LRP1B: variants seen among roughly 807,000 people sequenced by gnomAD.
LRP1B encodes the protein low-density lipoprotein receptor-related protein 1B.
A neutral mutation model predicts 556.6 loss-of-function variants in LRP1B; 217 were observed. The ratio of observed to expected loss-of-function variants is 0.39; its 90% CI spans 0.35 to 0.44. LRP1B has a LOEUF of 0.44. LRP1B is among the 20% of genes least tolerant of loss of function. The pLI is 1.00. For synonymous variants in LRP1B, 2,047 were observed against 1,865.8 expected, an observed-to-expected ratio of 1.10 and a Z score of -2.50; for missense variants, 5,053 against 5,620.8, an observed-to-expected ratio of 0.90 and a Z score of 3.23.
At chr2:142,129,067 A>G (rs1461710972) in intron 1 of LRP1B, among the ~76,000 whole-genome samples, 2 of 152,216 alleles carry the variant, frequency 1.3e-5, no homozygotes, top group Non-Finnish European at 2.9e-5. Context: ...CAGTACCATT[A>G]TATTTTGCTA....
rs1683990746 is a variant in LRP1B, at chr2:140,634,110, T to C, written c.6800-32471A>G. On this transcript the variant is annotated intron_variant, in intron 41 of 90. Coordinates refer to ENST00000389484, the MANE Select transcript of LRP1B (RefSeq NM_018557.3). ...AAAAGAATTACACACCAAAACCGAG[T>C]AGGATTTATTCCAGGAATATAAGAC... Among the ~76,000 whole-genome samples the C allele has an allele frequency of 3.3e-5, 5 of 152,010 alleles. No homozygotes were observed. The South Asian group carries it at 1.0e-3, about 32-fold the overall frequency.
intron 6 of LRP1B, among the ~76,000 whole-genome samples, chr2:141,210,118 T>A (rs1682477760): frequency 6.6e-6 from 1 of 151,782 alleles, no homozygotes; most frequent in South Asian, 2.1e-4. Flanking sequence ...AAATGCGGCG[T>A]GCATTTTATG....
intron 2 of LRP1B, among the ~76,000 whole-genome samples, chr2:141,778,063 G>A (rs182680130): frequency 1.6e-3 from 238 of 152,260 alleles, no homozygotes; most frequent in Non-Finnish European, 1.0e-3. Flanking sequence ...GTCAGAAGAA[G>A]TGAGATCATT....
chr2:141,377,754 C>T (rs958584690), intron 3 of LRP1B, among the ~76,000 whole-genome samples: 6 of 151,818 alleles, frequency 4.0e-5, no homozygotes, highest in Admixed American at 1.3e-4. Context: ...ATTAATTTCA[C>T]AAAATACCAC....
chr2:140,534,169 C>G (rs1227678836), intron 46 of LRP1B, 29 bp from the exon 47 acceptor site: 1 of 1,587,910 alleles, frequency 6.3e-7, no homozygotes, highest in Non-Finnish European at 8.6e-7. Context: ...AACACACAAC[C>G]AGAGATCATA....
At chr2:141,228,193 C>T (rs1274738813) in intron 6 of LRP1B, among the ~76,000 whole-genome samples, 1 of 152,134 alleles carries the variant, frequency 6.6e-6, no homozygotes, top group Non-Finnish European at 1.5e-5. Flanking sequence ...CTGGGAGCCA[C>T]CGCACCCGGC....
chr2:140,837,271 G>A (rs938259997), intron 31 of LRP1B, among the ~76,000 whole-genome samples: 5 of 152,130 alleles, frequency 3.3e-5, no homozygotes, highest in Admixed American at 2.0e-4. Flanking sequence ...TTGCTCAAGG[G>A]CACTGAGTTA....
chr2:140,986,882 G>T (rs1438388564), intron 17 of LRP1B, among the ~76,000 whole-genome samples: 1 of 152,140 alleles, frequency 6.6e-6, no homozygotes, highest in Non-Finnish European at 1.5e-5. Context: ...GTGGACAAGG[G>T]TTTTCTTTTA....
chr2:140,279,098 T>C (rs1189160081), intron 84 of LRP1B, among the ~76,000 whole-genome samples: 1 of 151,958 alleles, frequency 6.6e-6, no homozygotes, highest in East Asian at 1.9e-4. Context: ...ACTCTCTCTC[T>C]TTCTCTCTTT....
At position 142,017,867 on chromosome 2, in the gene LRP1B, C is replaced by T. The variant is rs370599403; in HGVS notation, c.82+112781G>A. Among the ~76,000 whole-genome samples, 299 of 152,020 alleles carry T rather than the reference C, an allele frequency of 2.0e-3. 1 individual carries two copies. Among genetic ancestry groups the T allele is most frequent in the African/African-American group, 6.9e-3 (285 of 41,496 alleles). On this transcript the variant is annotated intron_variant, in intron 1 of 90. Coordinates refer to ENST00000389484, the MANE Select transcript of LRP1B (RefSeq NM_018557.3). The stretch of plus-strand genomic sequence containing the variant: ...CTGCACTCCAGCCTGGGCAACAGAG[C>T]GAGACCTTGTCTCAAAAAAGTTTTT...
At chr2:141,093,942 C>T (rs557095752) in intron 7 of LRP1B, among the ~76,000 whole-genome samples, 163 of 152,210 alleles carry the variant, frequency 1.1e-3, no homozygotes, top group African/African-American at 3.6e-3. Context: ...GTTTCCAATG[C>T]CTGACCTCAA....
At chr2:141,188,852 T>C (rs1681375751) in intron 6 of LRP1B, among the ~76,000 whole-genome samples, 3 of 151,976 alleles carry the variant, frequency 2.0e-5, no homozygotes, top group Admixed American at 6.6e-5. Flanking sequence ...AAAATATAGG[T>C]ATTTAGAATG....
intron 3 of LRP1B, among the ~76,000 whole-genome samples, chr2:141,334,519 T>C (rs191435086): frequency 1.2e-3 from 177 of 152,336 alleles, no homozygotes; most frequent in African/African-American, 4.1e-3. Context: ...TATTTCCTTA[T>C]AGTAGTGCAA....
At chr2:140,485,940 T>C (rs917580847) in intron 58 of LRP1B, among the ~76,000 whole-genome samples, 8 of 151,534 alleles carry the variant, frequency 5.3e-5, no homozygotes, top group Admixed American at 1.3e-4. Flanking sequence ...GTAGCATTCC[T>C]CACTCTCTCT....
intron 2 of LRP1B, among the ~76,000 whole-genome samples, chr2:141,614,555 TAGA>T (rs1187114961): frequency 2.6e-5 from 4 of 152,036 alleles, no homozygotes; most frequent in African/African-American, 9.7e-5. Flanking sequence ...ATGTGACTGG[TAGA>T]AGAAGGAGAT....
rs548134117 is a variant in LRP1B at position 141,052,095 on chromosome 2, T to C, written c.1553-2873A>G. Among the ~76,000 whole-genome samples the C allele has an allele frequency of 2.8e-4, 43 of 152,150 alleles. No homozygotes were observed. In the South Asian group the frequency reaches 8.7e-3, roughly 31 times the overall value. On this transcript the variant is annotated intron_variant, in intron 10 of 90. Transcript: ENST00000389484. ...TTTTCTGTTTTCATCATTATAATAA[T>C]ACTGAGATAAGCATAATTTTTTCAA...
intron 2 of LRP1B, among the ~76,000 whole-genome samples, chr2:141,615,896 T>G (rs1688279786): frequency 6.6e-6 from 1 of 152,098 alleles, no homozygotes. Context: ...CAAATGAAGA[T>G]CCAAGCTTCC....
chr2:140,434,528 A>G (rs909798501), intron 66 of LRP1B, among the ~76,000 whole-genome samples: 7 of 152,206 alleles, frequency 4.6e-5, no homozygotes, highest in African/African-American at 1.7e-4. Context: ...ACAGTAACTT[A>G]TTCTCACATC....
chr2:141,582,482 G>A (rs1217037111), intron 2 of LRP1B, among the ~76,000 whole-genome samples: 2 of 152,136 alleles, frequency 1.3e-5, no homozygotes, highest in African/African-American at 2.4e-5. Flanking sequence ...TAGATTGATC[G>A]TTGACACTAG....
Sources: gnomAD v4.1 joint callset for allele counts (sites outside exome capture counted in the v4.1 genomes callset) on GRCh38, gnomAD v4.1.1 for gene constraint, MANE v1.5 for transcripts, NCBI Gene and HGNC (gene_info 2026-07-23, HGNC 2026-07-21) for gene names.